CYP27A1: variants seen among roughly 807,000 people sequenced by gnomAD.
The protein encoded by CYP27A1 is sterol 26-hydroxylase, mitochondrial.
CYP27A1 carries 46 observed loss-of-function variants against 58.2 expected under a neutral mutation model. The ratio of observed to expected loss-of-function variants is 0.79; its 90% confidence interval spans 0.62 to 1.01. The LOEUF is 1.01. Ranked by LOEUF, CYP27A1 falls within the 50% of genes least tolerant of loss-of-function variation. The probability of loss-of-function intolerance (pLI) is 0.00; values close to 1 mark genes in which losing one functional copy is unlikely to be tolerated. For missense variants in CYP27A1, 704 were observed against 687.0 expected, an observed-to-expected ratio of 1.02 and a Z score of -0.28; for synonymous variants, 274 against 285.1, an observed-to-expected ratio of 0.96 and a Z score of 0.39.
chr2:218,811,997 A>C (rs1199344356), intron 2 of CYP27A1, among the ~76,000 whole-genome samples: 1 of 152,146 alleles, frequency 6.6e-6, no homozygotes, highest in Non-Finnish European at 1.5e-5. Flanking sequence ...CTGGTTCTAG[A>C]TGCCCGCCAT....
At chr2:218,809,870 C>T (rs1162799097) in intron 2 of CYP27A1, 103 bp downstream of exon 2, 2 of 1,044,438 alleles carry the variant, frequency 1.9e-6, no homozygotes, top group East Asian at 2.4e-5. Context: ...ATAGTACCCT[C>T]TGCATCCTCT....
chr2:218,812,616 C>T lies in CYP27A1; in HGVS notation c.711C>T (p.Thr237=), dbSNP rs375163463. Residue 237 remains threonine (T), a synonymous_variant, in exon 4 of 9, where the codon ACC becomes ACT. Coordinates refer to ENST00000258415, the MANE Select transcript of CYP27A1 (RefSeq NM_000784.4). Reference sequence around the variant, plus strand: ...TGCAGCGATCCATCCCCGAGGACACCGTGACCTTCGTCAGATCCATCGGGT... The same window carrying T: ...TGCAGCGATCCATCCCCGAGGACACTGTGACCTTCGTCAGATCCATCGGGT... ...GCLQRSIPED[T]VTFVRSIGLM... is the part of the protein sequence containing the mutation. 1.2e-4 allele frequency: 190 copies of T among 1,614,210 alleles called. No homozygotes were observed. Among genetic ancestry groups the T allele is most frequent in the Middle Eastern group, 1.6e-4 (1 of 6,062 alleles).
chr2:218,814,891 A>G lies in CYP27A1; in HGVS notation c.1477-20A>G, dbSNP rs757019811. On this transcript the variant is annotated intron_variant, in intron 8 of 8. Transcript: ENST00000258415. Reference sequence around the variant, plus strand: ...GCAAACACACAATCCACCCAACCACATGTGCTCTTTACCCCCCAGCTGATC... The same window carrying G: ...GCAAACACACAATCCACCCAACCACGTGTGCTCTTTACCCCCCAGCTGATC... 3.1e-6 allele frequency: 5 copies of G among 1,614,160 alleles called. No individual in the cohort carries two copies. Among genetic ancestry groups the G allele is most frequent in the South Asian group, 2.2e-5 (2 of 91,084 alleles).
At chr2:218,811,329 G>C (rs1943713364) in intron 2 of CYP27A1, among the ~76,000 whole-genome samples, 1 of 152,102 alleles carries the variant, frequency 6.6e-6, no homozygotes, top group South Asian at 2.1e-4. Context: ...ATATACATGT[G>C]GATAGGTAGG....
At chr2:218,796,685 T>C (rs1471456515) in intron 1 of CYP27A1, among the ~76,000 whole-genome samples, 1 of 152,182 alleles carries the variant, frequency 6.6e-6, no homozygotes, top group Non-Finnish European at 1.5e-5. Flanking sequence ...TGCTCCAAGT[T>C]TTGTTCACGG....
rs1205327204 is a variant in CYP27A1, at chr2:218,786,159, C to T, written c.255+3722C>T. On this transcript the variant is annotated intron_variant, in intron 1 of 8. Transcript: ENST00000258415. The stretch of plus-strand genomic sequence containing the variant: ...TGGCAGCTCTGTTTTTCTGCAGTTC[C>T]CTTGGCTCAGCTGTCTTGCAGGAGT... 2.6e-5 allele frequency among the ~76,000 whole-genome samples: 4 copies of T among 152,324 alleles called. No individual in the cohort carries two copies. The South Asian group carries it at 8.3e-4, about 32-fold the overall frequency.
rs569986746 is a variant in CYP27A1 at position 218,790,539 on chromosome 2, C to T, written c.255+8102C>T. On this transcript the variant is annotated intron_variant, in intron 1 of 8. Coordinates refer to ENST00000258415, the MANE Select transcript of CYP27A1 (RefSeq NM_000784.4). ...TAAAATACCAGATGTGATGGAAGTG[C>T]CAACAGCTGCATAGATACTTCCCTG... Among the ~76,000 whole-genome samples, 228 of 152,274 alleles carry T rather than the reference C, an allele frequency of 1.5e-3. 1 individual carries two copies. Among genetic ancestry groups the T allele is most frequent in the Non-Finnish European group, 2.7e-3 (182 of 68,028 alleles).
At chr2:218,811,396 T>A (rs1943713963) in intron 2 of CYP27A1, among the ~76,000 whole-genome samples, 3 of 152,134 alleles carry the variant, frequency 2.0e-5, no homozygotes, top group African/African-American at 7.2e-5. Flanking sequence ...CAGCTAGCCT[T>A]TTAAAAAAAT....
At chr2:218,809,430 AT>A (rs1335815520) in intron 1 of CYP27A1, 146 bp from the exon 2 acceptor site, 1 of 702,110 alleles carries the variant, frequency 1.4e-6, no homozygotes, top group African/African-American at 2.2e-5. Flanking sequence ...TGCCTACATC[AT>A]ACACAATGCC....
chr2:218,785,739 T>C (rs1943434921), intron 1 of CYP27A1, among the ~76,000 whole-genome samples: 1 of 152,122 alleles, frequency 6.6e-6, no homozygotes, highest in African/African-American at 2.4e-5. Flanking sequence ...CCATGGGAAA[T>C]ACATTAGTCC....
chr2:218,812,906 TCTC>T lies in CYP27A1; in HGVS notation c.845-17_845-15del, dbSNP rs749076752. On this transcript the variant is annotated splice_polypyrimidine_tract_variant and intron_variant, in intron 4 of 8. Coordinates refer to ENST00000258415, the MANE Select transcript of CYP27A1 (RefSeq NM_000784.4). Reference sequence around the variant, plus strand: ...GACTTTTGGCTTTGTCCTTTCCTCTTCTCTGTTGCTTTCACAGGGAAGAAGCTG... The same window carrying T: ...GACTTTTGGCTTTGTCCTTTCCTCTTTGTTGCTTTCACAGGGAAGAAGCTG... 3 of 1,614,032 alleles carry T rather than the reference TCTC, an allele frequency of 1.9e-6. No homozygotes were observed. The highest frequency in any genetic ancestry group is 2.5e-6 in the Non-Finnish European group (3 of 1,180,030).
Position 218,782,519 on chromosome 2 carries a change from A to C in CYP27A1, c.255+82A>C. ...CTAGAGGTGAGAAGACGTTGGACAG[A>C]AAGTGAAGGCTGCAGGAACTCAGCT... is the stretch of plus-strand genomic sequence containing the variant. On this transcript the variant is annotated intron_variant, in intron 1 of 8. Transcript: ENST00000258415. This position sits in a 1 kb window ranked among gnomAD's most constrained non-coding sequence, Gnocchi z 4.1. The C allele has an allele frequency of 1.3e-6, 2 of 1,576,468 alleles. No homozygotes were observed. The highest frequency in any genetic ancestry group is 1.7e-6 in the Non-Finnish European group (2 of 1,150,464).
chr2:218,783,098 A>C (rs1943409837), intron 1 of CYP27A1, among the ~76,000 whole-genome samples: 1 of 151,898 alleles, frequency 6.6e-6, no homozygotes, highest in African/African-American at 2.4e-5. Flanking sequence ...CTCTACTAAA[A>C]ATACAAACAT....
intron 1 of CYP27A1, among the ~76,000 whole-genome samples, chr2:218,796,029 C>A (rs1455820273): frequency 6.6e-6 from 1 of 152,206 alleles, no homozygotes; most frequent in Non-Finnish European, 1.5e-5. Context: ...CCAAGATAAA[C>A]TCGGAGCTCC....
chr2:218,786,036 C>T (rs553604829), intron 1 of CYP27A1, among the ~76,000 whole-genome samples: 2 of 152,306 alleles, frequency 1.3e-5, no homozygotes, highest in South Asian at 4.1e-4. Flanking sequence ...TACAGTCCCC[C>T]AGCTACTTGG....
intron 3 of CYP27A1, 61 bp downstream of exon 3, chr2:218,812,482 C>T: frequency 1.2e-6 from 2 of 1,608,558 alleles, no homozygotes; most frequent in Non-Finnish European, 1.7e-6. Context: ...TGTGCTCCCT[C>T]TCCTCAAGGG....
chr2:218,790,923 G>A (rs1417362466), intron 1 of CYP27A1, among the ~76,000 whole-genome samples: 19 of 151,790 alleles, frequency 1.3e-4, no homozygotes, highest in African/African-American at 3.9e-4. Context: ...GGATGGTCTC[G>A]ATCTCCTGAC....
intron 1 of CYP27A1, among the ~76,000 whole-genome samples, chr2:218,797,914 CT>C (rs1174519214): frequency 1.3e-5 from 2 of 152,134 alleles, no homozygotes; most frequent in African/African-American, 4.8e-5. Flanking sequence ...TTTTATAATC[CT>C]TTCACTACTT....
At chr2:218,797,395 TG>T (rs1391378756) in intron 1 of CYP27A1, among the ~76,000 whole-genome samples, 1 of 152,202 alleles carries the variant, frequency 6.6e-6, no homozygotes, top group African/African-American at 2.4e-5. Context: ...CCGTTGCGCC[TG>T]GCCTTAATTA....
Sources: allele counts gnomAD v4.1 joint callset (sites outside exome capture counted in the v4.1 genomes callset), GRCh38; gene constraint gnomAD v4.1.1; non-coding constraint Gnocchi (gnomAD v3.1); transcripts MANE v1.5; gene names NCBI Gene and HGNC (gene_info 2026-07-23, HGNC 2026-07-21).